NRXN3: variants seen among roughly 807,000 people sequenced by gnomAD.
NRXN3 encodes neurexin III.
Under a neutral mutation model 137.6 loss-of-function variants are expected in NRXN3, and 32 were observed. The observed-to-expected ratio is 0.23, with a 90% CI of 0.18 to 0.31. The LOEUF is 0.31. Ranked by LOEUF, NRXN3 falls within the 10% of genes least tolerant of loss-of-function variation. The pLI, the probability that NRXN3 is intolerant of heterozygous loss-of-function variation, is 1.00. For synonymous variants in NRXN3, 798 were observed against 784.5 expected (o/e 1.02, Z -0.29); for missense variants, 1,574 against 2,062.5 (o/e 0.76, Z 4.59).
chr14:78,916,900 T>G (rs1206462894), intron 10 of NRXN3, among the ~76,000 whole-genome samples: 1 of 152,222 alleles, frequency 6.6e-6, no homozygotes, highest in Non-Finnish European at 1.5e-5. Flanking sequence ...TAGATGGCTG[T>G]CTTCTCCCTG....
At chr14:78,439,266 A>G (rs531491232) in intron 4 of NRXN3, among the ~76,000 whole-genome samples, 1 of 152,146 alleles carries the variant, frequency 6.6e-6, no homozygotes, top group Non-Finnish European at 1.5e-5. Flanking sequence ...CTAGGAGGAA[A>G]AGGTAGAGAA....
chr14:79,532,688 T>G (rs558578071), intron 16 of NRXN3, among the ~76,000 whole-genome samples: 1 of 152,306 alleles, frequency 6.6e-6, no homozygotes, highest in South Asian at 2.1e-4. Flanking sequence ...TAACCACCCC[T>G]ACACTCCAGA....
intron 15 of NRXN3, among the ~76,000 whole-genome samples, chr14:79,203,526 G>T (rs1453391162): frequency 6.6e-6 from 1 of 152,128 alleles, no homozygotes; most frequent in Non-Finnish European, 1.5e-5. Flanking sequence ...ACATCTTTCT[G>T]TCCTAGTTAC....
At chr14:79,363,732 T>C (rs912317123) in intron 15 of NRXN3, among the ~76,000 whole-genome samples, 18 of 152,226 alleles carry the variant, frequency 1.2e-4, no homozygotes, top group Non-Finnish European at 2.9e-5. Flanking sequence ...AAGAATGATA[T>C]TTTCATTCCA....
chr14:78,192,365 G>T (rs546644283), intron 1 of NRXN3, among the ~76,000 whole-genome samples: 6 of 152,120 alleles, frequency 3.9e-5, no homozygotes, highest in Non-Finnish European at 7.4e-5. Flanking sequence ...CTTGGGGTGG[G>T]GTGCTTATTT....
chr14:78,943,901 G>T (rs1441731690), intron 10 of NRXN3, among the ~76,000 whole-genome samples: 1 of 151,654 alleles, frequency 6.6e-6, no homozygotes, highest in Non-Finnish European at 1.5e-5. Flanking sequence ...TGGGGATATG[G>T]ATAACTGAAG....
intron 1 of NRXN3, among the ~76,000 whole-genome samples, chr14:78,188,232 C>T (rs545919456): frequency 1.7e-3 from 261 of 152,258 alleles, no homozygotes; most frequent in African/African-American, 5.8e-3. Context: ...ACTCCTTTTC[C>T]ACCCCATGAC....
chr14:78,490,143 G>A (rs139168100), intron 4 of NRXN3, among the ~76,000 whole-genome samples: 180 of 151,976 alleles, frequency 1.2e-3, no homozygotes, highest in African/African-American at 4.0e-3. Flanking sequence ...TTGATCTCCT[G>A]ATCTTGTGAT....
chr14:79,321,433 G>T (rs1046539649), intron 15 of NRXN3, among the ~76,000 whole-genome samples: 2 of 152,042 alleles, frequency 1.3e-5, no homozygotes, highest in African/African-American at 4.8e-5. Flanking sequence ...ACAATTTATG[G>T]CTTAATGAAA....
chr14:79,840,529 A>G (rs1477345525), intron 20 of NRXN3, among the ~76,000 whole-genome samples: 7 of 152,184 alleles, frequency 4.6e-5, no homozygotes, highest in Non-Finnish European at 7.4e-5. Context: ...GTAAGTTCCC[A>G]TACTCAGTGA....
At position 78,806,200 on chromosome 14, in the gene NRXN3, A is replaced by G. The variant is rs2098867770; in HGVS notation, c.2248+2377A>G. ...TAGTTAATTTTTTTTACACCAAAGG[A>G]TAGGTTCATCATAATTACTGGTTTG... On this transcript the variant is annotated intron_variant, in intron 9 of 20. Coordinates refer to ENST00000335750, the MANE Select transcript of NRXN3 (RefSeq NM_001330195.2). 2.0e-5 allele frequency among the ~76,000 whole-genome samples: 3 copies of G among 151,998 alleles called. No individual in the cohort carries two copies. In the South Asian group the frequency reaches 6.2e-4, roughly 32 times the overall value.
At chr14:79,397,293 G>T (rs992728326) in intron 15 of NRXN3, among the ~76,000 whole-genome samples, 15 of 152,222 alleles carry the variant, frequency 9.9e-5, no homozygotes, top group African/African-American at 2.2e-4. Flanking sequence ...CTAATTACAT[G>T]CATCTTTCAT....
rs139549106 is a variant in NRXN3, at chr14:79,175,501, A to G, written c.3262+187360A>G. Among the ~76,000 whole-genome samples, 311 of 152,366 alleles carry G rather than the reference A, an allele frequency of 2.0e-3. 3 individuals are homozygous for G. Among genetic ancestry groups the G allele is most frequent in the African/African-American group, 6.1e-3 (252 of 41,600 alleles). ...CGTGCTTTACATTTGTTTTATATCA[A>G]TATGACTGTAAACTTTATAGAGATC... On this transcript the variant is annotated intron_variant, in intron 15 of 20. Transcript: ENST00000335750.
chr14:78,338,172 G>A (rs1259613602), intron 4 of NRXN3, among the ~76,000 whole-genome samples: 1 of 152,144 alleles, frequency 6.6e-6, no homozygotes, highest in Non-Finnish European at 1.5e-5. Flanking sequence ...GGCTGCCCTT[G>A]ATGCTGTATC....
intron 19 of NRXN3, among the ~76,000 whole-genome samples, chr14:79,757,422 C>T (rs911585191): frequency 2.0e-5 from 3 of 152,198 alleles, no homozygotes; most frequent in Non-Finnish European, 4.4e-5. Context: ...TGTCTAATCA[C>T]TGATGGGTTT....
At chr14:79,553,587 TTGAC>T (rs1400702046) in intron 16 of NRXN3, among the ~76,000 whole-genome samples, 1 of 152,126 alleles carries the variant, frequency 6.6e-6, no homozygotes, top group South Asian at 2.1e-4. Context: ...TGGTGCCTAT[TTGAC>T]TGACATTTGA....
chr14:78,451,443 A>G lies in NRXN3; in HGVS notation c.757+153583A>G, dbSNP rs577741252. Among the ~76,000 whole-genome samples the G allele has an allele frequency of 2.0e-5, 3 of 152,356 alleles. No individual in the cohort carries two copies. The East Asian group carries it at 5.8e-4, about 29-fold the overall frequency. ...CACTTGGTATGTGTTCTGTAAATTT[A>G]GTTCCATTCTGTGCCCTGCCTTGCC... is the stretch of plus-strand genomic sequence containing the variant. On this transcript the variant is annotated intron_variant, in intron 4 of 20. Coordinates refer to ENST00000335750, the MANE Select transcript of NRXN3 (RefSeq NM_001330195.2).
At chr14:78,629,492 C>A (rs982599420) in intron 4 of NRXN3, among the ~76,000 whole-genome samples, 2 of 152,210 alleles carry the variant, frequency 1.3e-5, no homozygotes, top group Admixed American at 6.5e-5. Flanking sequence ...CAAGACAGAT[C>A]TTTTCTGCCA....
At chr14:78,843,363 C>G (rs2099018046) in intron 10 of NRXN3, among the ~76,000 whole-genome samples, 2 of 152,004 alleles carry the variant, frequency 1.3e-5, no homozygotes, top group African/African-American at 4.8e-5. Context: ...TTCTTTTTAG[C>G]TTAAATACTT....
Sources: gnomAD v4.1 joint callset for allele counts (sites outside exome capture counted in the v4.1 genomes callset) on GRCh38, gnomAD v4.1.1 for gene constraint, MANE v1.5 for transcripts, NCBI Gene and HGNC (gene_info 2026-07-23, HGNC 2026-07-21) for gene names.